The following TNS3 variants were observed in gnomAD, a reference collection of about 807,000 sequenced individuals.
TNS3 encodes tensin-3.
TNS3 carries 45 observed loss-of-function variants against 140.9 expected under a neutral mutation model. The observed-to-expected ratio is 0.32, with a 90% CI of 0.25 to 0.41. The LOEUF (loss-of-function observed/expected upper bound fraction) is 0.41, where lower values mean the gene tolerates loss of function less well. Ranked by LOEUF, TNS3 falls within the 10% of genes least tolerant of loss-of-function variation. The pLI is 1.00. For missense variants in TNS3, 1,716 were observed against 1,906.7 expected, an observed-to-expected ratio of 0.90 and a Z score of 1.86; for synonymous variants, 815 against 788.4, an observed-to-expected ratio of 1.03 and a Z score of -0.56.
At chr7:47,564,140 G>A (rs1484819781) in intron 1 of TNS3, among the ~76,000 whole-genome samples, 3 of 137,030 alleles carry the variant, frequency 2.2e-5, no homozygotes, top group Admixed American at 7.9e-5. Context: ...CTTGCAGTGA[G>A]CCGAGATCAC....
rs376988016 is a variant in TNS3 at position 47,376,536 on chromosome 7, C to G, written c.1025-6915G>C. ...CAAAGCAATCCTGTGAAGCAGGAAA[C>G]GGGAAGTCCATTTTACAGATGAGAA... On this transcript the variant is annotated intron_variant, in intron 16 of 30. Transcript: ENST00000311160. Among the ~76,000 whole-genome samples, 14 of 152,136 alleles carry G rather than the reference C, an allele frequency of 9.2e-5. No individual in the cohort carries two copies. In the East Asian group the frequency reaches 1.5e-3, roughly 17 times the overall value.
In TNS3 at chr7:47,344,965, C is replaced by T. The variant is rs1260063992; in HGVS notation, c.2525G>A (p.Cys842Tyr). The change falls in exon 19 of 31, where the codon TGT (cysteine) becomes TAT (tyrosine). Residue 842 changes from cysteine (C) to tyrosine (Y), a missense_variant. By Grantham distance (194) the Cys-to-Tyr change is radical (BLOSUM62 -2). This residue lies in a region of TNS3 where 1,163 missense variants were observed against 1,182.1 expected (regional missense o/e 0.98). Coordinates refer to ENST00000311160, the MANE Select transcript of TNS3 (RefSeq NM_022748.12). ...AGACACAGGAAATGCTGGAGTTGAA[C>T]ACATGGACTCCTTGCTACTTAAAAT... ...GRILSSKESM[C>Y]STPAFPVSPE... 1.2e-6 allele frequency: 2 copies of T among 1,614,104 alleles called. No individual in the cohort carries two copies. The highest frequency in any genetic ancestry group is 1.3e-5 in the African/African-American group (1 of 74,934).
chr7:47,316,279 C>T (rs1388880922), intron 20 of TNS3, among the ~76,000 whole-genome samples: 1 of 152,140 alleles, frequency 6.6e-6, no homozygotes, highest in Non-Finnish European at 1.5e-5. Context: ...CATTACATTT[C>T]TAGGCGGGGA....
chr7:47,303,087 C>T lies in TNS3; in HGVS notation c.3320G>A (p.Gly1107Glu), dbSNP rs1786505638. The T allele has an allele frequency of 3.1e-6, 5 of 1,614,004 alleles. No individual in the cohort carries two copies. Among genetic ancestry groups the T allele is most frequent in the African/African-American group, 1.3e-5 (1 of 74,952 alleles). ...AGAGACTGAGCCCAAAGAACGATCC[C>T]CCTCCGAGGCCCGCTTCTTCTCAGG... ...PLPEKKRASE[G>E]DRSLGSVSPS... is the part of the protein sequence containing the mutation. Residue 1107 changes from glycine (G) to glutamate (E), a missense_variant, in exon 22 of 31, where the codon GGG becomes GAG. This residue lies in a region of TNS3 where 1,163 missense variants were observed against 1,182.1 expected (regional missense o/e 0.98). Coordinates refer to ENST00000311160, the MANE Select transcript of TNS3 (RefSeq NM_022748.12).
intron 2 of TNS3, among the ~76,000 whole-genome samples, chr7:47,511,623 T>C (rs935650942): frequency 6.6e-5 from 10 of 151,822 alleles, no homozygotes; most frequent in Non-Finnish European, 1.0e-4. Context: ...GGCAACCCCG[T>C]TCATTCTCCT....
intron 16 of TNS3, 141 bp downstream of exon 16, chr7:47,396,659 C>T (rs970341416): frequency 2.9e-5 from 21 of 715,606 alleles, no homozygotes; most frequent in South Asian, 1.1e-4. Flanking sequence ...CTGTGTCACA[C>T]GAAGGTGTGA....
chr7:47,355,612 C>T (rs879477804), intron 17 of TNS3, among the ~76,000 whole-genome samples: 14 of 152,156 alleles, frequency 9.2e-5, no homozygotes, highest in Non-Finnish European at 1.8e-4. Context: ...TCTCAGATCG[C>T]TTAGCCAGAA....
At chr7:47,447,053 T>TAGCCCCATGGGCCATTTTGTCATG in intron 4 of TNS3, among the ~76,000 whole-genome samples, 1 of 85,272 alleles carries the variant, frequency 1.2e-5, no homozygotes, top group Non-Finnish European at 3.1e-5. Flanking sequence ...CGTGACAAAC[T>TAGCCCCATGGGCCATTTTGTCATG]GGCCCCATGG....
At chr7:47,283,599 A>G in intron 28 of TNS3, 98 bp downstream of exon 28, 2 of 1,231,146 alleles carry the variant, frequency 1.6e-6, no homozygotes, top group East Asian at 2.8e-5. Context: ...AAGACGGCTA[A>G]TGATTTACCT....
intron 2 of TNS3, among the ~76,000 whole-genome samples, chr7:47,518,325 G>A (rs1277635820): frequency 8.6e-5 from 13 of 152,036 alleles, no homozygotes; most frequent in Admixed American, 7.9e-4. Flanking sequence ...TCCCTCCGCC[G>A]ATGTCATAGG....
chr7:47,351,709 T>C (rs1046991724), intron 17 of TNS3, among the ~76,000 whole-genome samples: 5 of 152,136 alleles, frequency 3.3e-5, no homozygotes, highest in African/African-American at 1.2e-4. Flanking sequence ...CCACGGCACC[T>C]ATGTCTGCTG....
intron 6 of TNS3, 136 bp from the exon 7 acceptor site, chr7:47,437,449 G>A (rs1222932159): frequency 3.2e-6 from 1 of 308,028 alleles, no homozygotes; most frequent in African/African-American, 2.2e-5. Context: ...TCACAAATCA[G>A]GGGGAAAAAA....
intron 4 of TNS3, among the ~76,000 whole-genome samples, chr7:47,454,253 A>G (rs1268569896): frequency 6.6e-6 from 1 of 152,196 alleles, no homozygotes; most frequent in Non-Finnish European, 1.5e-5. Context: ...CAGCTCCACA[A>G]GGCAGCCTGC....
intron 4 of TNS3, among the ~76,000 whole-genome samples, chr7:47,453,661 G>A (rs1170883329): frequency 6.6e-6 from 1 of 152,220 alleles, no homozygotes; most frequent in Non-Finnish European, 1.5e-5. Flanking sequence ...AGACAAGAGT[G>A]GCCAGGCCAG....
intron 17 of TNS3, among the ~76,000 whole-genome samples, chr7:47,352,205 T>C (rs1584462287): frequency 6.6e-6 from 1 of 152,156 alleles, no homozygotes; most frequent in East Asian, 1.9e-4. Context: ...CACACACTCA[T>C]GCTCTCACAC....
intron 3 of TNS3, among the ~76,000 whole-genome samples, chr7:47,502,785 C>G (rs2151867735): frequency 6.6e-6 from 1 of 152,362 alleles, no homozygotes; most frequent in South Asian, 2.1e-4. Context: ...AGCCAAGAGG[C>G]TGGACAGAGC....
intron 4 of TNS3, among the ~76,000 whole-genome samples, chr7:47,459,655 C>A (rs1796400518): frequency 6.6e-6 from 1 of 152,094 alleles, no homozygotes; most frequent in Non-Finnish European, 1.5e-5. Context: ...CATCAGAGGT[C>A]CCCAGGACAT....
At chr7:47,389,002 G>GGAAGAAGAAGAAGAA (rs1175410885) in intron 16 of TNS3, among the ~76,000 whole-genome samples, 2 of 6,652 alleles carry the variant, frequency 3.0e-4, no homozygotes, top group African/African-American at 4.0e-4. Context: ...AGAAGAAGAA[G>GGAAGAAGAAGAAGAA]GAAGAAGAAG....
chr7:47,422,204 G>C (rs767441148), intron 10 of TNS3, among the ~76,000 whole-genome samples: 11 of 152,146 alleles, frequency 7.2e-5, no homozygotes, highest in Non-Finnish European at 1.5e-4. Flanking sequence ...CTAATCTCAG[G>C]AGCAGAGGGA....
Sources: allele counts gnomAD v4.1 joint callset (sites outside exome capture counted in the v4.1 genomes callset), GRCh38; gene constraint gnomAD v4.1.1; regional missense constraint gnomAD v4.1.1; transcripts MANE v1.5; gene names NCBI Gene and HGNC (gene_info 2026-07-23, HGNC 2026-07-21).